Variants in HES6 observed in about 807,000 individuals in gnomAD.
HES6 encodes hes family bHLH transcription factor 6, also known as transcription cofactor HES-6.
A neutral mutation model predicts 16.4 loss-of-function variants in HES6; 24 were observed. That is an observed-to-expected ratio of 1.46 (90% CI 1.06 to 2.06). The LOEUF (loss-of-function observed/expected upper bound fraction) is 2.06. Ranked by LOEUF, HES6 falls within the 30% of genes most tolerant of loss-of-function variation. The pLI, the probability that HES6 is intolerant of heterozygous loss-of-function variation, is 0.00. For synonymous variants in HES6, 159 were observed against 144.3 expected, an observed-to-expected ratio of 1.10 and a Z score of -0.73; for missense variants, 355 against 317.6, an observed-to-expected ratio of 1.12 and a Z score of -0.90.
Position 238,239,851 on chromosome 2 carries a change from C to A in HES6, c.55G>T (p.Gly19Cys), listed in dbSNP as rs758439397. The change falls in exon 1 of 4, where the codon GGC (glycine) becomes TGC (cysteine). Residue 19 changes from glycine to cysteine, a missense_variant. By Grantham distance (159) the Gly-to-Cys change is radical. Coordinates refer to ENST00000272937, the MANE Select transcript of HES6 (RefSeq NM_018645.6). ...TTGCGGTCCCCTCGCGTCTCCCAGC[C>A]GTCCTCATCCTCACGGCCCACACGG... ...RDRVGREDED[G>C]WETRGDRKAR... The A allele has an allele frequency of 4.4e-5, 60 of 1,377,392 alleles. No individual in the cohort carries two copies. Among genetic ancestry groups the A allele is most frequent in the Non-Finnish European group, 5.4e-5 (57 of 1,056,444 alleles). 85.3% of individuals were successfully genotyped at this position (1,377,392 alleles called of 1,614,324 possible).
At chr2:238,239,795 C>T (rs762287340) in intron 1 of HES6, 30 bp downstream of exon 1, 15 of 1,401,844 alleles carry the variant, frequency 1.1e-5, no homozygotes, top group Middle Eastern at 2.0e-4. Context: ...GCCTCCCGCC[C>T]GCTTGCTCGC....
At position 238,238,600 on chromosome 2, in the gene HES6, C is replaced by T; in HGVS notation, c.*227G>A. The T allele has an allele frequency of 3.6e-6, 2 of 560,056 alleles. No individual in the cohort carries two copies. The highest frequency in any genetic ancestry group is 6.2e-6 in the Non-Finnish European group (2 of 321,552). The allele number at this position is 560,056 out of a possible 1,614,324, so 34.7% of individuals were successfully genotyped here. On this transcript the variant is annotated 3_prime_UTR_variant, in exon 4 of 4. Transcript: ENST00000272937. ...CTTCCTCCTGCCCGTAGCTCCCTCCCTCCACCCACTCCAGAGCTGCAGGGT... is the reference window on the plus strand; with the variant it reads ...CTTCCTCCTGCCCGTAGCTCCCTCCTTCCACCCACTCCAGAGCTGCAGGGT...
Position 238,238,669 on chromosome 2 carries a change from T to A in HES6, c.*158A>T. ...AAACGGGGCTGGGGCCTGACTGGGC[T>A]GGTTACCAGGGGCTGCCCTGCAAGC... On this transcript the variant is annotated 3_prime_UTR_variant, in exon 4 of 4. Transcript: ENST00000272937. 2.8e-6 allele frequency: 2 copies of A among 720,566 alleles called. No individual in the cohort carries two copies. The highest frequency in any genetic ancestry group is 4.5e-6 in the Non-Finnish European group (2 of 441,466). 44.6% of individuals were successfully genotyped at this position (720,566 alleles called of 1,614,324 possible). A position where few individuals can be genotyped will look rare whatever the true frequency, so the allele number is the denominator to read the frequency against.
rs1427543219 is a variant in HES6 at position 238,238,993 on chromosome 2, G to A, written c.509C>T (p.Pro170Leu). ...GWPAGGAPGS[P>L]IPSPPGPGDD... Reference sequence around the variant, plus strand: ...CCCAGGACCCGGGGGGCTGGGTATTGGGGATCCCGGAGCGCCCCCCGCAGG... The same window carrying A: ...CCCAGGACCCGGGGGGCTGGGTATTAGGGATCCCGGAGCGCCCCCCGCAGG... Residue 170 changes from proline (P) to leucine (L), a missense_variant, in exon 4 of 4, where the codon CCA becomes CTA. Physicochemically the swap from Pro to Leu is moderately conservative, Grantham distance 98. Transcript: ENST00000272937. 2 of 1,605,272 alleles carry A rather than the reference G, an allele frequency of 1.2e-6. No individual in the cohort carries two copies. The highest frequency in any genetic ancestry group is 2.2e-5 in the South Asian group (2 of 90,420).
intron 1 of HES6, 25 bp downstream of exon 1, chr2:238,239,800 G>A: frequency 7.1e-7 from 1 of 1,402,960 alleles, no homozygotes; most frequent in Non-Finnish European, 9.3e-7. Flanking sequence ...CCGCCCGCTT[G>A]CTCGCCCATG....
chr2:238,239,113 A>G lies in HES6; in HGVS notation c.389T>C (p.Leu130Pro). ...TVAAELLNHL[L>P]ESMPLREGSS... ...GCCCTCACGCAGCGGCATGGACTCGAGCAGATGGTTCAGGAGCTCGGCAGC... is the reference window on the plus strand; with the variant it reads ...GCCCTCACGCAGCGGCATGGACTCGGGCAGATGGTTCAGGAGCTCGGCAGC... The change falls in exon 4 of 4, where the codon CTC becomes CCC. Residue 130 changes from leucine (L) to proline (P), a missense_variant. Coordinates refer to ENST00000272937, the MANE Select transcript of HES6 (RefSeq NM_018645.6). The G allele has an allele frequency of 6.2e-7, 1 of 1,612,606 alleles. No individual in the cohort carries two copies. The highest frequency in any genetic ancestry group is 1.1e-5 in the South Asian group (1 of 91,086).
Position 238,239,811 on chromosome 2 carries a change from GCC to G in HES6, c.81+12_81+13del. ...CCTCCCGCCCGCTTGCTCGCCCATG[GCC>G]CCGGCCCGCACCTTGCGGTCCCCTC... On this transcript the variant is annotated intron_variant, in intron 1 of 3. Transcript: ENST00000272937. The G allele has an allele frequency of 7.1e-7, 1 of 1,405,650 alleles. No individual in the cohort carries two copies. The highest frequency in any genetic ancestry group is 9.3e-7 in the Non-Finnish European group (1 of 1,071,182). The allele number at this position is 1,405,650 out of a possible 1,614,324, so 87.1% of individuals were successfully genotyped here.
In HES6 at chr2:238,239,091, C is replaced by G; in HGVS notation, c.411G>C (p.Glu137Asp). ...CCAGCAGATCCTGGAAGCTGCTGCCCTCACGCAGCGGCATGGACTCGAGCA... is the reference window on the plus strand; with the variant it reads ...CCAGCAGATCCTGGAAGCTGCTGCCGTCACGCAGCGGCATGGACTCGAGCA... ...NHLLESMPLR[E>D]GSSFQDLLGD... The change falls in exon 4 of 4, where the codon GAG becomes GAC. Residue 137 changes from glutamate to aspartate, a missense_variant. By Grantham distance (45) the Glu-to-Asp change is conservative. Transcript: ENST00000272937. 1 of 1,612,610 alleles carries G rather than the reference C, an allele frequency of 6.2e-7. No individual in the cohort carries two copies. The highest frequency in any genetic ancestry group is 1.1e-5 in the South Asian group (1 of 91,088).
At position 238,239,671 on chromosome 2, in the gene HES6, G is replaced by C; in HGVS notation, c.158C>G (p.Ala53Gly). The C allele has an allele frequency of 1.9e-6, 2 of 1,040,326 alleles. No homozygotes were observed. The highest frequency in any genetic ancestry group is 1.8e-5 in the African/African-American group (1 of 55,530). The allele number at this position is 1,040,326 out of a possible 1,614,324, so 64.4% of individuals were successfully genotyped here. Residue 53 changes from alanine (A) to glycine (G), a missense_variant, in exon 2 of 4, where the codon GCG (alanine) becomes GGG (glycine). By Grantham distance (60) the Ala-to-Gly change is moderately conservative. Transcript: ENST00000272937. ...ESLQELRLLL[A>G]GAEVQAKLEN... ...GCCCGGCCGCCGCACCTCGGCGCCC[G>C]CCAGCAGCAGCCGCAGCTCCTGCAG...
chr2:238,239,807 C>A lies in HES6; in HGVS notation c.81+18G>T. ...ACGGCCTCCCGCCCGCTTGCTCGCC[C>A]ATGGCCCCGGCCCGCACCTTGCGGT... On this transcript the variant is annotated intron_variant, in intron 1 of 3. Transcript: ENST00000272937. 7.1e-7 allele frequency: 1 copy of A among 1,406,902 alleles called. No individual in the cohort carries two copies. Among genetic ancestry groups the A allele is most frequent in the Non-Finnish European group, 9.3e-7 (1 of 1,072,104 alleles). The allele number at this position is 1,406,902 out of a possible 1,614,324, so 87.2% of individuals were successfully genotyped here. A position where few individuals can be genotyped will look rare whatever the true frequency, so the allele number is the denominator to read the frequency against.
chr2:238,238,960 A>C lies in HES6; in HGVS notation c.542T>G (p.Leu181Arg). ...IPSPPGPGDD[L>R]CSDLEEAPEA... ...AGGGGCCTCCTCCAGGTCGGAGCACAGGTCGTCCCCAGGACCCGGGGGGCT... is the reference window on the plus strand; with the variant it reads ...AGGGGCCTCCTCCAGGTCGGAGCACCGGTCGTCCCCAGGACCCGGGGGGCT... The change falls in exon 4 of 4, where the codon CTG (leucine) becomes CGG (arginine). Residue 181 changes from leucine to arginine, a missense_variant. Leu to Arg is a moderately radical substitution (Grantham distance 102). Coordinates refer to ENST00000272937, the MANE Select transcript of HES6 (RefSeq NM_018645.6). The C allele has an allele frequency of 6.2e-7, 1 of 1,602,568 alleles. No individual in the cohort carries two copies. Among genetic ancestry groups the C allele is most frequent in the Non-Finnish European group, 8.5e-7 (1 of 1,176,386 alleles).
chr2:238,239,879 C>G lies in HES6; in HGVS notation c.27G>C (p.Arg9=). 2 of 1,261,354 alleles carry G rather than the reference C, an allele frequency of 1.6e-6. No individual in the cohort carries two copies. Among genetic ancestry groups the G allele is most frequent in the Non-Finnish European group, 2.0e-6 (2 of 1,000,232 alleles). 78.1% of individuals were successfully genotyped at this position (1,261,354 alleles called of 1,614,324 possible). MAPPAAPG[R]DRVGREDEDG... ...CCTCATCCTCACGGCCCACACGGTC[C>G]CGGCCAGGCGCCGCGGGTGGCGCCA... The change falls in exon 1 of 4, where the codon CGG becomes CGC. Residue 9 remains arginine, a synonymous_variant. Coordinates refer to ENST00000272937, the MANE Select transcript of HES6 (RefSeq NM_018645.6).
Position 238,238,810 on chromosome 2 carries a change from A to T in HES6, c.*17T>A, listed in dbSNP as rs1350404651. On this transcript the variant is annotated 3_prime_UTR_variant, in exon 4 of 4. Transcript: ENST00000272937. Reference sequence around the variant, plus strand: ...GGAGGGCCGGGCCCACCCCCGCAGGACTCTGGCTGGCATTGGTCACCAAGG... The same window carrying T: ...GGAGGGCCGGGCCCACCCCCGCAGGTCTCTGGCTGGCATTGGTCACCAAGG... The T allele has an allele frequency of 6.5e-7, 1 of 1,545,242 alleles. No homozygotes were observed. The highest frequency in any genetic ancestry group is 1.9e-4 in the Middle Eastern group (1 of 5,320).
At chr2:238,239,611 G>GGGGGGCCCCCCCCC in intron 2 of HES6, 43 bp from the exon 3 acceptor site, 1 of 1,135,666 alleles carries the variant, frequency 8.8e-7, no homozygotes, top group Non-Finnish European at 1.1e-6. Flanking sequence ...CGCGCTCCCG[G>GGGGGGCCCCCCCCC]ACCCGCCCGC....
rs1033752407 is a variant in HES6 at position 238,238,725 on chromosome 2, G to T, written c.*102C>A. ...ATCAGAGGAGGGAGGGAAGACCTGG[G>T]AGACTTCCAGGGCCCTACCCCACCA... On this transcript the variant is annotated 3_prime_UTR_variant, in exon 4 of 4. Coordinates refer to ENST00000272937, the MANE Select transcript of HES6 (RefSeq NM_018645.6). 8.5e-7 allele frequency: 1 copy of T among 1,175,958 alleles called. No homozygotes were observed. Among genetic ancestry groups the T allele is most frequent in the Non-Finnish European group, 1.2e-6 (1 of 841,524 alleles). The allele number at this position is 1,175,958 out of a possible 1,614,324, so 72.8% of individuals were successfully genotyped here. A position where few individuals can be genotyped will look rare whatever the true frequency, so the allele number is the denominator to read the frequency against.
rs2106354225 is a variant in HES6, at chr2:238,238,977, CG to C, written c.524del (p.Pro175ArgfsTer19). On this transcript the variant is annotated frameshift_variant, in exon 4 of 4. Coordinates refer to ENST00000272937, the MANE Select transcript of HES6 (RefSeq NM_018645.6). LOFTEE classifies it high-confidence loss of function. ...GAPGSPIPSP[P>X]GPGDDLCSDL... ...CGGAGCACAGGTCGTCCCCAGGACC[CG>C]GGGGGCTGGGTATTGGGGATCCCGG... 2 of 1,603,568 alleles carry C rather than the reference CG, an allele frequency of 1.2e-6. No homozygotes were observed. Among genetic ancestry groups the C allele is most frequent in the South Asian group, 1.1e-5 (1 of 90,142 alleles).
At chr2:238,239,612 A>ACCCG (rs1220755251) in intron 2 of HES6, 44 bp from the exon 3 acceptor site, 168 of 401,052 alleles carry the variant, frequency 4.2e-4, no homozygotes, top group Non-Finnish European at 5.7e-4. Context: ...GCGCTCCCGG[A>ACCCG]CCCGCCCGCC....
In HES6 at chr2:238,240,007, A is replaced by AGCAGCCCAGCC; in HGVS notation, c.-113_-103dup. 1 of 650,674 alleles carries AGCAGCCCAGCC rather than the reference A, an allele frequency of 1.5e-6. No individual in the cohort carries two copies. Among genetic ancestry groups the AGCAGCCCAGCC allele is most frequent in the Non-Finnish European group, 2.1e-6 (1 of 483,488 alleles). 40.3% of individuals were successfully genotyped at this position (650,674 alleles called of 1,614,324 possible). On this transcript the variant is annotated 5_prime_UTR_variant, in exon 1 of 4. Transcript: ENST00000272937. Reference sequence around the variant, plus strand: ...CTCCGCTGCCCCGCGGCCGCCCAGCAGCAGCCCAGCCGTCCGCGCTCCTCG... The same window carrying AGCAGCCCAGCC: ...CTCCGCTGCCCCGCGGCCGCCCAGCAGCAGCCCAGCCGCAGCCCAGCCGTCCGCGCTCCTCG...
Position 238,238,969 on chromosome 2 carries a change from C to A in HES6, c.533G>T (p.Gly178Val). ...GSPIPSPPGPGDDLCSDLEEA... is the reference protein window; with the variant it reads ...GSPIPSPPGPVDDLCSDLEEA... Reference sequence around the variant, plus strand: ...CTCCAGGTCGGAGCACAGGTCGTCCCCAGGACCCGGGGGGCTGGGTATTGG... The same window carrying A: ...CTCCAGGTCGGAGCACAGGTCGTCCACAGGACCCGGGGGGCTGGGTATTGG... Residue 178 changes from glycine to valine, a missense_variant, in exon 4 of 4, where the codon GGG (glycine) becomes GTG (valine). Physicochemically the swap from Gly to Val is moderately radical, Grantham distance 109. Coordinates refer to ENST00000272937, the MANE Select transcript of HES6 (RefSeq NM_018645.6). 1 of 1,603,708 alleles carries A rather than the reference C, an allele frequency of 6.2e-7. No homozygotes were observed. Among genetic ancestry groups the A allele is most frequent in the Non-Finnish European group, 8.5e-7 (1 of 1,176,962 alleles).
Sources: allele counts gnomAD v4.1 joint callset, GRCh38; gene constraint gnomAD v4.1.1; transcripts MANE v1.5; gene names NCBI Gene and HGNC (gene_info 2026-07-23, HGNC 2026-07-21).